ARHGAP20: variants seen among roughly 807,000 people sequenced by gnomAD.
The protein encoded by ARHGAP20 is Rho GTPase activating protein 20, also known as rho GTPase-activating protein 20.
ARHGAP20 carries 34 observed loss-of-function variants against 73.7 expected under a neutral mutation model. The ratio of observed to expected loss-of-function variants is 0.46; its 90% CI spans 0.35 to 0.61. ARHGAP20 has a LOEUF of 0.61. Among genes scored for constraint, ARHGAP20 ranks in the 20% least tolerant of loss-of-function variants. The pLI, the probability that ARHGAP20 is intolerant of heterozygous loss-of-function variation, is 0.00. For missense variants in ARHGAP20, 1,314 were observed against 1,420.9 expected, an observed-to-expected ratio of 0.92 and a Z score of 1.21; for synonymous variants, 523 against 518.2, an observed-to-expected ratio of 1.01 and a Z score of -0.13.
chr11:110,607,374 G>T (rs1948258310), intron 8 of ARHGAP20, among the ~76,000 whole-genome samples: 1 of 152,162 alleles, frequency 6.6e-6, no homozygotes. Context: ...GACTGCAGGG[G>T]ATCAGAAACA....
At chr11:110,669,101 A>G (rs1255299958) in intron 2 of ARHGAP20, among the ~76,000 whole-genome samples, 2 of 152,180 alleles carry the variant, frequency 1.3e-5, no homozygotes, top group African/African-American at 4.8e-5. Flanking sequence ...AACTCAAAGA[A>G]AAAATGATAA....
intron 9 of ARHGAP20, among the ~76,000 whole-genome samples, chr11:110,598,172 CTT>C (rs35064891): frequency 1.4e-5 from 2 of 145,380 alleles, no homozygotes. Flanking sequence ...ATATCCCCAC[CTT>C]TTTTTTTTTT....
intron 1 of ARHGAP20, among the ~76,000 whole-genome samples, chr11:110,692,157 C>A (rs1264710356): frequency 2.6e-5 from 4 of 152,056 alleles, no homozygotes; most frequent in African/African-American, 9.7e-5. Flanking sequence ...GAACATAATC[C>A]TCAGGAATCT....
At chr11:110,662,353 T>C (rs1336327604) in intron 2 of ARHGAP20, among the ~76,000 whole-genome samples, 1 of 151,826 alleles carries the variant, frequency 6.6e-6, no homozygotes, top group Non-Finnish European at 1.5e-5. Flanking sequence ...AAAATAAAAT[T>C]AAAACAAATT....
chr11:110,609,304 C>T (rs1483422050), intron 7 of ARHGAP20, among the ~76,000 whole-genome samples: 1 of 152,138 alleles, frequency 6.6e-6, no homozygotes, highest in African/African-American at 2.4e-5. Flanking sequence ...CTTTAGAGTC[C>T]TGACTTCTGC....
chr11:110,594,676 C>A (rs1459769709), intron 9 of ARHGAP20, among the ~76,000 whole-genome samples: 2 of 152,064 alleles, frequency 1.3e-5, no homozygotes, highest in African/African-American at 4.8e-5. Flanking sequence ...AAGTTCAGGA[C>A]CAGATGGATT....
At chr11:110,664,615 C>G (rs140592911) in intron 2 of ARHGAP20, among the ~76,000 whole-genome samples, 4,565 of 150,328 alleles carry the variant, frequency 0.03, 222 homozygotes, top group African/African-American at 0.11. Context: ...GTAGTCCCAG[C>G]TACTTGGGAG....
At chr11:110,703,775 G>A (rs1950502292) in intron 1 of ARHGAP20, among the ~76,000 whole-genome samples, 1 of 152,078 alleles carries the variant, frequency 6.6e-6, no homozygotes, top group Admixed American at 6.6e-5. Context: ...TTCAACCTTT[G>A]GTCATGATAA....
chr11:110,668,113 A>T (rs1436514818), intron 2 of ARHGAP20, among the ~76,000 whole-genome samples: 1 of 152,212 alleles, frequency 6.6e-6, no homozygotes, highest in African/African-American at 2.4e-5. Context: ...AAATGCTATC[A>T]AACAGTATTG....
chr11:110,612,003 G>A (rs1948376925), intron 6 of ARHGAP20, among the ~76,000 whole-genome samples: 1 of 152,000 alleles, frequency 6.6e-6, no homozygotes, highest in Non-Finnish European at 1.5e-5. Context: ...AATGAGTCTA[G>A]AAAAAAGAAA....
chr11:110,684,450 T>C (rs879597654), intron 2 of ARHGAP20, among the ~76,000 whole-genome samples: 4 of 152,180 alleles, frequency 2.6e-5, no homozygotes, highest in Non-Finnish European at 5.9e-5. Flanking sequence ...TTTCTTAGCA[T>C]CTGAGTAGTA....
chr11:110,685,336 C>G (rs1950111395), intron 2 of ARHGAP20, among the ~76,000 whole-genome samples: 1 of 152,156 alleles, frequency 6.6e-6, no homozygotes, highest in Middle Eastern at 3.4e-3. Flanking sequence ...CAGAAGTGAA[C>G]ACTACTGTGT....
chr11:110,584,722 A>G (rs549691309), intron 12 of ARHGAP20, among the ~76,000 whole-genome samples: 144 of 152,148 alleles, frequency 9.5e-4, no homozygotes, highest in African/African-American at 3.2e-3. Flanking sequence ...CAGTGCATCT[A>G]ATACTTGTCT....
At chr11:110,652,440 T>A (rs1419378822) in intron 2 of ARHGAP20, among the ~76,000 whole-genome samples, 1 of 152,110 alleles carries the variant, frequency 6.6e-6, no homozygotes, top group Non-Finnish European at 1.5e-5. Context: ...AGAAAGGAAG[T>A]AAAATTGTCT....
intron 2 of ARHGAP20, among the ~76,000 whole-genome samples, chr11:110,686,698 A>G (rs1950139052): frequency 6.6e-6 from 1 of 152,088 alleles, no homozygotes; most frequent in South Asian, 2.1e-4. Flanking sequence ...GATAGCTCTC[A>G]TGTTAAGTGT....
At chr11:110,601,060 C>T (rs1334647816) in intron 9 of ARHGAP20, among the ~76,000 whole-genome samples, 1 of 152,194 alleles carries the variant, frequency 6.6e-6, no homozygotes, top group Non-Finnish European at 1.5e-5. Context: ...TGTTCTCAGA[C>T]AATATTCTAA....
chr11:110,612,254 TAA>T (rs386374891), intron 6 of ARHGAP20, among the ~76,000 whole-genome samples: 1 of 143,320 alleles, frequency 7.0e-6, no homozygotes, highest in African/African-American at 2.6e-5. Context: ...CCGTCTCTAC[TAA>T]AAAAAAAAAA....
intron 1 of ARHGAP20, among the ~76,000 whole-genome samples, chr11:110,692,216 A>G (rs1950256424): frequency 2.0e-5 from 3 of 152,156 alleles, no homozygotes; most frequent in African/African-American, 7.2e-5. Flanking sequence ...AGAAAGGAAA[A>G]CTGGGAGATA....
Position 110,590,639 on chromosome 11 carries a change from T to C in ARHGAP20, c.1305+9A>G. 2 of 1,609,716 alleles carry C rather than the reference T, an allele frequency of 1.2e-6. No homozygotes were observed. Among genetic ancestry groups the C allele is most frequent in the Admixed American group, 1.7e-5 (1 of 59,376 alleles). ...ACCATGGGGTGGATAAAGGGATGAC[T>C]CTTCTTACCTTTAAGACAGATGCTA... is the stretch of plus-strand genomic sequence containing the variant. On this transcript the variant is annotated intron_variant, in intron 11 of 14. Transcript: ENST00000683387.
Sources: allele counts gnomAD v4.1 joint callset (sites outside exome capture counted in the v4.1 genomes callset), GRCh38; gene constraint gnomAD v4.1.1; transcripts MANE v1.5; gene names NCBI Gene and HGNC (gene_info 2026-07-23, HGNC 2026-07-21).